The following GOLGA1 variants were observed in gnomAD, a reference collection of about 807,000 sequenced individuals.
GOLGA1 encodes the protein golgin A1.
In GOLGA1, 63 loss-of-function variants were observed where a neutral mutation model predicts 119.7. That is an observed-to-expected ratio of 0.53 (90% CI 0.43 to 0.65). The LOEUF (loss-of-function observed/expected upper bound fraction) is 0.65, where lower values mean the gene tolerates loss of function less well. Ranked by LOEUF, GOLGA1 falls within the 30% of genes least tolerant of loss-of-function variation. The probability of loss-of-function intolerance (pLI) is 0.00; values close to 1 mark genes in which losing one functional copy is unlikely to be tolerated. For missense variants in GOLGA1, 798 were observed against 912.8 expected, an observed-to-expected ratio of 0.87 and a Z score of 1.62; for synonymous variants, 318 against 333.4, an observed-to-expected ratio of 0.95 and a Z score of 0.50.
chr9:124,935,772 A>C (rs1366799737), intron 3 of GOLGA1, among the ~76,000 whole-genome samples: 1 of 151,902 alleles, frequency 6.6e-6, no homozygotes, highest in Non-Finnish European at 1.5e-5. Flanking sequence ...CCAAAAAAAA[A>C]AAAAAAAAAG....
chr9:124,933,488 T>C (rs533160416), intron 3 of GOLGA1, among the ~76,000 whole-genome samples: 165 of 152,262 alleles, frequency 1.1e-3, no homozygotes, highest in African/African-American at 3.8e-3. Context: ...TGGTACAATG[T>C]TGGCTCACTG....
chr9:124,929,122 G>A (rs1484798440), intron 5 of GOLGA1, 94 bp downstream of exon 5: 1 of 736,760 alleles, frequency 1.4e-6, no homozygotes, highest in East Asian at 2.7e-5. Flanking sequence ...AAAGATTTGT[G>A]CTTTGAAGAA....
intron 22 of GOLGA1, 72 bp from the exon 23 acceptor site, chr9:124,880,682 C>T (rs1352640911): frequency 3.3e-6 from 3 of 918,468 alleles, no homozygotes; most frequent in Middle Eastern, 2.7e-4. Context: ...AACCGCCCCT[C>T]CCCTCCCGTG....
At position 124,921,030 on chromosome 9, in the gene GOLGA1, G is replaced by C; in HGVS notation, c.843+99C>G. On this transcript the variant is annotated intron_variant, in intron 10 of 22. Transcript: ENST00000373555. ...AAATGGAGCCATGTGGACTGCATGA[G>C]AAATGTATGTTCAGTAGCTACTCTC... 3.9e-6 allele frequency: 3 copies of C among 764,284 alleles called. No individual in the cohort carries two copies. The South Asian group carries it at 4.4e-5, about 11-fold the overall frequency. The allele number at this position is 764,284 out of a possible 1,614,324, so 47.3% of individuals were successfully genotyped here. A position where few individuals can be genotyped will look rare whatever the true frequency, so the allele number is the denominator to read the frequency against.
intron 10 of GOLGA1, 132 bp from the exon 11 acceptor site, chr9:124,912,158 T>G (rs914349132): frequency 3.9e-6 from 3 of 764,788 alleles, no homozygotes; most frequent in Non-Finnish European, 6.2e-6. Context: ...AGCTAAGAGA[T>G]CTTCCTGAAA....
chr9:124,928,419 C>G (rs890795523), intron 5 of GOLGA1, 134 bp from the exon 6 acceptor site: 4 of 504,662 alleles, frequency 7.9e-6, no homozygotes, highest in African/African-American at 6.0e-5. Context: ...CTAGGAAAAG[C>G]TGGATCCACC....
chr9:124,918,732 G>A (rs547786409), intron 10 of GOLGA1, among the ~76,000 whole-genome samples: 3 of 152,100 alleles, frequency 2.0e-5, no homozygotes, highest in Admixed American at 1.3e-4. Context: ...CTCCAGCCTA[G>A]GTGACAAAGT....
intron 15 of GOLGA1, among the ~76,000 whole-genome samples, chr9:124,893,584 G>A (rs1014529323): frequency 2.0e-5 from 3 of 151,766 alleles, no homozygotes; most frequent in Admixed American, 1.3e-4. Context: ...ATCAAAGCTG[G>A]GGGCGGGGTG....
chr9:124,903,651 C>CAAAAAAAAAAAAAAAAAAA, intron 12 of GOLGA1, among the ~76,000 whole-genome samples: 1 of 91,284 alleles, frequency 1.1e-5, no homozygotes, highest in Non-Finnish European at 2.0e-5. Context: ...AGAAAAAGAC[C>CAAAAAAAAAAAAAAAAAAA]AAAAAAAAAA....
intron 2 of GOLGA1, among the ~76,000 whole-genome samples, chr9:124,939,550 CTTTTTTTTTTTTT>C (rs3051147): frequency 2.4e-5 from 2 of 81,856 alleles, no homozygotes; most frequent in African/African-American, 9.5e-5. Context: ...TTCTTTCTTT[CTTTTTTTTTTTTT>C]TTTTTTTTTT....
chr9:124,902,849 G>A (rs183315473), intron 12 of GOLGA1, among the ~76,000 whole-genome samples: 5 of 152,184 alleles, frequency 3.3e-5, no homozygotes, highest in African/African-American at 9.6e-5. Flanking sequence ...AGATTTAACC[G>A]AAACAATCCC....
chr9:124,899,267 C>T, intron 14 of GOLGA1, 62 bp downstream of exon 14: 1 of 1,456,798 alleles, frequency 6.9e-7, no homozygotes, highest in Non-Finnish European at 9.2e-7. Context: ...AAGCACGAGG[C>T]TGACTTCGCT....
chr9:124,907,888 C>G (rs1216674078), intron 12 of GOLGA1, among the ~76,000 whole-genome samples: 1 of 152,182 alleles, frequency 6.6e-6, no homozygotes, highest in Non-Finnish European at 1.5e-5. Flanking sequence ...TGGGAACAAT[C>G]TTCTCCTATA....
In GOLGA1 at chr9:124,880,408, T is replaced by G. The variant is rs1206651094; in HGVS notation, c.*122A>C. The G allele has an allele frequency of 1.5e-6, 1 of 668,438 alleles. No individual in the cohort carries two copies. The highest frequency in any genetic ancestry group is 1.8e-5 in the African/African-American group (1 of 55,844). The allele number at this position is 668,438 out of a possible 1,614,324, so 41.4% of individuals were successfully genotyped here. A position where few individuals can be genotyped will look rare whatever the true frequency, so the allele number is the denominator to read the frequency against. On this transcript the variant is annotated 3_prime_UTR_variant, in exon 23 of 23. Transcript: ENST00000373555. ...GTGGGCCTTAGTCTTGTAAACAATG[T>G]TTAGACACTTGTACAAAATACTGCA...
chr9:124,897,171 C>G (rs541798694), intron 15 of GOLGA1, among the ~76,000 whole-genome samples: 1 of 152,168 alleles, frequency 6.6e-6, no homozygotes, highest in African/African-American at 2.4e-5. Context: ...AAAGCCTTCC[C>G]TAACTCCATA....
intron 15 of GOLGA1, among the ~76,000 whole-genome samples, chr9:124,891,221 G>A: frequency 6.6e-6 from 1 of 152,204 alleles, no homozygotes; most frequent in Non-Finnish European, 1.5e-5. Context: ...CACTGTGGGA[G>A]GTGGGGTTGA....
intron 15 of GOLGA1, among the ~76,000 whole-genome samples, chr9:124,898,289 C>T (rs1162618190): frequency 1.4e-4 from 21 of 152,174 alleles, no homozygotes; most frequent in African/African-American, 2.4e-5. Flanking sequence ...CACCTCTAAC[C>T]AACTATGCAA....
intron 11 of GOLGA1, among the ~76,000 whole-genome samples, chr9:124,910,103 G>A (rs1284635093): frequency 6.6e-6 from 1 of 151,994 alleles, no homozygotes; most frequent in Non-Finnish European, 1.5e-5. Context: ...GCTAATTTTT[G>A]TATTTTTAGT....
chr9:124,882,219 C>T (rs551817219), intron 20 of GOLGA1, among the ~76,000 whole-genome samples: 3 of 152,200 alleles, frequency 2.0e-5, no homozygotes, highest in Non-Finnish European at 4.4e-5. Context: ...CTCTGCCACA[C>T]ACACACACTG....
Sources: allele counts gnomAD v4.1 joint callset (sites outside exome capture counted in the v4.1 genomes callset), GRCh38; gene constraint gnomAD v4.1.1; transcripts MANE v1.5; gene names NCBI Gene and HGNC (gene_info 2026-07-23, HGNC 2026-07-21).